SNX29: variants seen among roughly 807,000 people sequenced by gnomAD.
SNX29 encodes the protein sorting nexin-29.
SNX29 carries 78 observed loss-of-function variants against 102.1 expected under a neutral mutation model. That is an observed-to-expected ratio of 0.76 (90% CI 0.64 to 0.92). The LOEUF is 0.92. SNX29 is among the 40% of genes least tolerant of loss of function. SNX29 has a pLI of 0.00. For synonymous variants in SNX29, 580 were observed against 414.5 expected (o/e 1.40, Z -4.85); for missense variants, 1,280 against 1,061.7 (o/e 1.21, Z -2.86).
At chr16:12,323,970 T>A (rs2081039323) in intron 15 of SNX29, among the ~76,000 whole-genome samples, 1 of 152,128 alleles carries the variant, frequency 6.6e-6, no homozygotes, top group African/African-American at 2.4e-5. Flanking sequence ...AGAGATTGAT[T>A]GTAAGTGTTC....
At chr16:12,390,456 T>C (rs1049885143) in intron 16 of SNX29, among the ~76,000 whole-genome samples, 7 of 152,200 alleles carry the variant, frequency 4.6e-5, no homozygotes, top group African/African-American at 1.7e-4. Flanking sequence ...GTGTGGAGAC[T>C]GTCTCTCCTG....
chr16:12,540,754 T>A (rs896418835), intron 20 of SNX29, among the ~76,000 whole-genome samples: 3 of 152,180 alleles, frequency 2.0e-5, no homozygotes, highest in African/African-American at 7.2e-5. Context: ...ACCATTGATC[T>A]TACCGCCACC....
chr16:12,156,079 C>T (rs541620819), intron 13 of SNX29, among the ~76,000 whole-genome samples: 1 of 152,328 alleles, frequency 6.6e-6, no homozygotes, highest in Middle Eastern at 3.4e-3. Context: ...CACACCCCCC[C>T]ACATCTCCTT....
intron 20 of SNX29, among the ~76,000 whole-genome samples, chr16:12,536,987 TAAAATAAA>T (rs71922824): frequency 0.12 from 18,602 of 150,768 alleles, 1,364 homozygotes; most frequent in Non-Finnish European, 0.16. Context: ...CTTAAAAAAA[TAAAATAAA>T]AAGAGTTGTT....
chr16:12,563,830 C>A (rs1468321907), intron 20 of SNX29, among the ~76,000 whole-genome samples: 3 of 152,072 alleles, frequency 2.0e-5, no homozygotes, highest in African/African-American at 7.3e-5. Context: ...TTTATTCAGG[C>A]TGCCTGTAAA....
chr16:12,501,800 C>A (rs1277097547), intron 19 of SNX29, among the ~76,000 whole-genome samples: 7 of 150,160 alleles, frequency 4.7e-5, no homozygotes, highest in Non-Finnish European at 8.9e-5. Context: ...GAATTTTCAG[C>A]CTAGCAGAGA....
At chr16:12,194,208 G>T (rs547231834) in intron 13 of SNX29, among the ~76,000 whole-genome samples, 1 of 152,258 alleles carries the variant, frequency 6.6e-6, no homozygotes, top group South Asian at 2.1e-4. Flanking sequence ...GACACATTTT[G>T]TTAGATTTAT....
At chr16:12,463,085 C>T (rs1397699003) in intron 18 of SNX29, among the ~76,000 whole-genome samples, 1 of 152,226 alleles carries the variant, frequency 6.6e-6, no homozygotes, top group Non-Finnish European at 1.5e-5. Context: ...CCTGCTGCTG[C>T]TGCCCATGCT....
Position 12,572,608 on chromosome 16 carries a change from T to C in SNX29, c.*3979T>C. On this transcript the variant is annotated 3_prime_UTR_variant, in exon 21 of 21. Coordinates refer to ENST00000566228, the MANE Select transcript of SNX29 (RefSeq NM_032167.5). ...TGGGCTCCCAGTGAGCCCCCTCCCC[T>C]CCGGCTACCCCCAGAATCCATCCTT... The C allele has an allele frequency of 1.9e-6, 2 of 1,063,856 alleles. No homozygotes were observed. The highest frequency in any genetic ancestry group is 2.3e-6 in the Non-Finnish European group (2 of 878,346). 65.9% of individuals were successfully genotyped at this position (1,063,856 alleles called of 1,614,324 possible). A position where few individuals can be genotyped will look rare whatever the true frequency, so the allele number is the denominator to read the frequency against.
At chr16:12,298,674 C>T (rs1207988421) in intron 15 of SNX29, among the ~76,000 whole-genome samples, 1 of 152,198 alleles carries the variant, frequency 6.6e-6, no homozygotes, top group East Asian at 1.9e-4. Context: ...TTACTTTCCT[C>T]TCTAGAATAG....
chr16:12,367,853 G>A (rs1009921213), intron 16 of SNX29, among the ~76,000 whole-genome samples: 5 of 152,104 alleles, frequency 3.3e-5, no homozygotes, highest in African/African-American at 1.2e-4. Flanking sequence ...ATTTAAGAGG[G>A]GCTACTAAAA....
At chr16:12,304,782 TA>T (rs1382010241) in intron 15 of SNX29, among the ~76,000 whole-genome samples, 1 of 152,218 alleles carries the variant, frequency 6.6e-6, no homozygotes, top group Non-Finnish European at 1.5e-5. Context: ...TAAGTGGCCA[TA>T]TTTTTTTAAA....
intron 20 of SNX29, among the ~76,000 whole-genome samples, chr16:12,531,693 T>G (rs2076936624): frequency 6.6e-6 from 1 of 151,824 alleles, no homozygotes; most frequent in African/African-American, 2.4e-5. Context: ...TGCAGAGAGG[T>G]CAAGGGGACA....
intron 20 of SNX29, among the ~76,000 whole-genome samples, chr16:12,555,746 A>C (rs187981292): frequency 6.6e-6 from 1 of 151,720 alleles, no homozygotes; most frequent in Non-Finnish European, 1.5e-5. Context: ...CCACCTCCCC[A>C]CAACTCCAAC....
intron 3 of SNX29, 108 bp downstream of exon 3, chr16:12,003,151 C>A: frequency 7.2e-7 from 1 of 1,384,580 alleles, no homozygotes; most frequent in Non-Finnish European, 1.0e-6. Flanking sequence ...CGGCAGAAGG[C>A]GGCTGGCTTC....
rs774029786 is a variant in SNX29 at position 12,574,028 on chromosome 16, CTA to C, written c.*5400_*5401del. 3 of 195,208 alleles carry C rather than the reference CTA, an allele frequency of 1.5e-5. No individual in the cohort carries two copies. Among genetic ancestry groups the C allele is most frequent in the Non-Finnish European group, 3.2e-5 (3 of 93,970 alleles). The allele number at this position is 195,208 out of a possible 1,614,324, so 12.1% of individuals were successfully genotyped here. On this transcript the variant is annotated 3_prime_UTR_variant, in exon 21 of 21. Coordinates refer to ENST00000566228, the MANE Select transcript of SNX29 (RefSeq NM_032167.5). The stretch of plus-strand genomic sequence containing the variant: ...CCTTAAGGGTAAGCAGGCCACATAT[CTA>C]GAGTCTGATAGTCTGTGTGTACATA...
At chr16:12,296,912 G>T (rs1442650314) in intron 15 of SNX29, among the ~76,000 whole-genome samples, 1 of 152,204 alleles carries the variant, frequency 6.6e-6, no homozygotes, top group Non-Finnish European at 1.5e-5. Context: ...CCACATAATC[G>T]TTTGTCATGG....
intron 11 of SNX29, among the ~76,000 whole-genome samples, chr16:12,088,668 C>T (rs350228): frequency 0.014 from 2,143 of 152,224 alleles, 45 homozygotes; most frequent in African/African-American, 0.049. Flanking sequence ...AATTTATGGC[C>T]GGGGCAGTGG....
intron 3 of SNX29, among the ~76,000 whole-genome samples, chr16:12,017,283 A>T (rs1019433562): frequency 1.3e-5 from 2 of 152,190 alleles, no homozygotes; most frequent in Non-Finnish European, 2.9e-5. Context: ...CCTCAGTGTT[A>T]CTATACTTTC....
Sources: allele counts gnomAD v4.1 joint callset (sites outside exome capture counted in the v4.1 genomes callset), GRCh38; gene constraint gnomAD v4.1.1; transcripts MANE v1.5; gene names NCBI Gene and HGNC (gene_info 2026-07-23, HGNC 2026-07-21).